The following DUSP16 variants were observed in gnomAD, a reference collection of about 807,000 sequenced individuals.
DUSP16 encodes the protein dual specificity protein phosphatase 16.
DUSP16 carries 21 observed loss-of-function variants against 58.3 expected under a neutral mutation model. That is an observed-to-expected ratio of 0.36 (90% CI 0.26 to 0.52). The LOEUF is 0.52. Among genes scored for constraint, DUSP16 ranks in the 20% least tolerant of loss-of-function variants. DUSP16 has a pLI of 0.94. For missense variants in DUSP16, 726 were observed against 819.0 expected (o/e 0.89, Z 1.39); for synonymous variants, 320 against 323.8 (o/e 0.99, Z 0.12).
intron 1 of DUSP16, among the ~76,000 whole-genome samples, chr12:12,537,383 T>C (rs1192164939): frequency 6.6e-6 from 1 of 152,226 alleles, no homozygotes; most frequent in Non-Finnish European, 1.5e-5. Context: ...AAGACATTCA[T>C]ATGTATTCTA....
rs1445622470 is a variant in DUSP16, at chr12:12,476,120, T to C, written c.*713A>G. On this transcript the variant is annotated 3_prime_UTR_variant, in exon 7 of 7. Coordinates refer to ENST00000298573, the MANE Select transcript of DUSP16 (RefSeq NM_030640.3). ...TCTAGGCCCACGGGAATTTTGTGCA[T>C]AGACAGTTTGAATTGGTCTGAAAAG... is the stretch of plus-strand genomic sequence containing the variant. 3 of 152,644 alleles carry C rather than the reference T, an allele frequency of 2.0e-5. No individual in the cohort carries two copies. The highest frequency in any genetic ancestry group is 2.9e-5 in the Non-Finnish European group (2 of 68,040). 9.5% of individuals were successfully genotyped at this position (152,644 alleles called of 1,614,324 possible). A position where few individuals can be genotyped will look rare whatever the true frequency, so the allele number is the denominator to read the frequency against.
intron 1 of DUSP16, among the ~76,000 whole-genome samples, chr12:12,546,591 G>C (rs1053886992): frequency 5.9e-5 from 9 of 152,152 alleles, no homozygotes; most frequent in African/African-American, 2.2e-4. Flanking sequence ...CAATAGGCCA[G>C]AAAGCAATAT....
chr12:12,493,407 T>G (rs988682327), intron 4 of DUSP16, among the ~76,000 whole-genome samples: 2 of 152,112 alleles, frequency 1.3e-5, no homozygotes, highest in African/African-American at 4.8e-5. Context: ...TTCCATCCAG[T>G]AGGAAATTCA....
intron 1 of DUSP16, among the ~76,000 whole-genome samples, chr12:12,540,921 G>A (rs1382844996): frequency 6.9e-6 from 1 of 145,832 alleles, no homozygotes; most frequent in East Asian, 2.0e-4. Context: ...GAGGCAGACA[G>A]TTGCTTTTTT....
intron 3 of DUSP16, among the ~76,000 whole-genome samples, chr12:12,508,164 T>C (rs1944025638): frequency 6.6e-6 from 1 of 152,336 alleles, no homozygotes; most frequent in Non-Finnish European, 1.5e-5. Flanking sequence ...TGCAGTAAAG[T>C]ACTTTAATTG....
intron 4 of DUSP16, among the ~76,000 whole-genome samples, chr12:12,495,206 TA>T (rs1293525652): frequency 7.1e-6 from 1 of 139,938 alleles, no homozygotes. Context: ...AATTGTATGG[TA>T]TATGAATTAT....
In DUSP16 at chr12:12,477,386, T is replaced by C. The variant is rs564398517; in HGVS notation, c.1445A>G (p.Lys482Arg). ...GCTGGTTCTGACCGAATGCAATCGC[T>C]TGCTCTGGCTGTCTGAAGGCCTGGC... ...QTARPSDSQSKRLHSVRTSSS... is the reference protein window; with the variant it reads ...QTARPSDSQSRRLHSVRTSSS... Residue 482 changes from lysine to arginine, a missense_variant, in exon 7 of 7, where the codon AAG becomes AGG. By Grantham distance (26) the Lys-to-Arg change is conservative (BLOSUM62 2). Coordinates refer to ENST00000298573, the MANE Select transcript of DUSP16 (RefSeq NM_030640.3). This position sits in a 1 kb window ranked among gnomAD's most constrained non-coding sequence, Gnocchi z 4.1. The C allele has an allele frequency of 3.1e-6, 5 of 1,613,344 alleles. No homozygotes were observed. In the African/African-American group the frequency reaches 6.7e-5, roughly 22 times the overall value.
intron 1 of DUSP16, chr12:12,561,074 A>G (rs1944895048): frequency 6.6e-6 from 1 of 152,168 alleles, no homozygotes; most frequent in Non-Finnish European, 1.5e-5. Context: ...TAATCTTTTA[A>G]AACAGAAGTG....
chr12:12,551,682 T>A (rs1944729647), intron 1 of DUSP16, among the ~76,000 whole-genome samples: 1 of 147,514 alleles, frequency 6.8e-6, no homozygotes, highest in Non-Finnish European at 1.5e-5. Flanking sequence ...TGTGCAGAAC[T>A]TAGTAAACCT....
chr12:12,561,592 G>A (rs1285454139), intron 1 of DUSP16, among the ~76,000 whole-genome samples: 1 of 152,204 alleles, frequency 6.6e-6, no homozygotes, highest in Non-Finnish European at 1.5e-5. Context: ...TTTTTCGGTT[G>A]GTTGGTTGAA....
In DUSP16 at chr12:12,521,434, G is replaced by A. The variant is rs924546021; in HGVS notation, c.-336C>T. The stretch of plus-strand genomic sequence containing the variant: ...CATCATTCTTTACCTTTGCTCCCGC[G>A]CTCCAACAGCTTTACACTGGACTGA... On this transcript the variant is annotated 5_prime_UTR_variant, in exon 2 of 7. Transcript: ENST00000298573. 3 of 1,153,752 alleles carry A rather than the reference G, an allele frequency of 2.6e-6. No homozygotes were observed. Among genetic ancestry groups the A allele is most frequent in the African/African-American group, 1.6e-5 (1 of 63,002 alleles). 71.5% of individuals were successfully genotyped at this position (1,153,752 alleles called of 1,614,324 possible).
chr12:12,485,918 C>T (rs973290396), intron 5 of DUSP16, among the ~76,000 whole-genome samples: 1 of 151,426 alleles, frequency 6.6e-6, no homozygotes, highest in Non-Finnish European at 1.5e-5. Context: ...CTCAGCCTCC[C>T]GAGCAGCTGG....
intron 4 of DUSP16, among the ~76,000 whole-genome samples, chr12:12,489,695 A>G (rs1943736008): frequency 6.6e-6 from 1 of 152,242 alleles, no homozygotes; most frequent in Non-Finnish European, 1.5e-5. Flanking sequence ...AAGAGAAAAC[A>G]TGTTGCAAGT....
In DUSP16 at chr12:12,476,223, CCTGT is replaced by C. The variant is rs1490443262; in HGVS notation, c.*606_*609del. 2.0e-5 allele frequency: 3 copies of C among 152,658 alleles called. No individual in the cohort carries two copies. Among genetic ancestry groups the C allele is most frequent in the African/African-American group, 7.2e-5 (3 of 41,440 alleles). The allele number at this position is 152,658 out of a possible 1,614,324, so 9.5% of individuals were successfully genotyped here. On this transcript the variant is annotated 3_prime_UTR_variant, in exon 7 of 7. Coordinates refer to ENST00000298573, the MANE Select transcript of DUSP16 (RefSeq NM_030640.3). Reference sequence around the variant, plus strand: ...TGGTAGTGGTCAAAGCCCCGACTTTCCTGTCTGAGGTACTGGGTTTGCTCTAAGG... The same window carrying C: ...TGGTAGTGGTCAAAGCCCCGACTTTCCTGAGGTACTGGGTTTGCTCTAAGG...
At chr12:12,504,869 C>T (rs1182941655) in intron 3 of DUSP16, among the ~76,000 whole-genome samples, 2 of 151,764 alleles carry the variant, frequency 1.3e-5, no homozygotes, top group Non-Finnish European at 2.9e-5. Context: ...AAAGTGAGAC[C>T]CTGTCTCAAA....
chr12:12,548,114 T>C (rs1592210584), intron 1 of DUSP16, among the ~76,000 whole-genome samples: 1 of 152,204 alleles, frequency 6.6e-6, no homozygotes, highest in East Asian at 1.9e-4. Flanking sequence ...AATCTGTGAG[T>C]TCTAAGTAGC....
intron 4 of DUSP16, among the ~76,000 whole-genome samples, chr12:12,499,487 TAC>T (rs930939914): frequency 1.3e-5 from 2 of 151,210 alleles, no homozygotes; most frequent in Non-Finnish European, 2.9e-5. Context: ...GTTTTAAACA[TAC>T]ACACACTCAC....
chr12:12,515,593 G>A (rs1425385365), intron 3 of DUSP16, among the ~76,000 whole-genome samples: 3 of 148,120 alleles, frequency 2.0e-5, no homozygotes, highest in Admixed American at 6.7e-5. Flanking sequence ...CTCCCAAAGT[G>A]CTGGGATTAC....
At chr12:12,550,139 G>A (rs1198648100) in intron 1 of DUSP16, among the ~76,000 whole-genome samples, 1 of 152,148 alleles carries the variant, frequency 6.6e-6, no homozygotes, top group East Asian at 1.9e-4. Context: ...TAGGCATGAT[G>A]GAGGGTGCCT....
Sources: allele counts gnomAD v4.1 joint callset (sites outside exome capture counted in the v4.1 genomes callset), GRCh38; gene constraint gnomAD v4.1.1; non-coding constraint Gnocchi (gnomAD v3.1); transcripts MANE v1.5; gene names NCBI Gene and HGNC (gene_info 2026-07-23, HGNC 2026-07-21).